The following PRKCQ variants were observed in gnomAD, a reference collection of about 807,000 sequenced individuals.
PRKCQ encodes the protein protein kinase C theta type.
In PRKCQ, 41 loss-of-function variants were observed where a neutral mutation model predicts 91.2. That is an observed-to-expected ratio of 0.45 (90% CI 0.35 to 0.58). PRKCQ has a LOEUF of 0.58. Ranked by LOEUF, PRKCQ falls within the 20% of genes least tolerant of loss-of-function variation. The probability of loss-of-function intolerance (pLI) is 0.00; values close to 1 mark genes in which losing one functional copy is unlikely to be tolerated. For synonymous variants in PRKCQ, 307 were observed against 316.9 expected (o/e 0.97, Z 0.33); for missense variants, 673 against 896.5 (o/e 0.75, Z 3.18).
chr10:6,545,512 C>T (rs568762213), intron 1 of PRKCQ, among the ~76,000 whole-genome samples: 2 of 152,266 alleles, frequency 1.3e-5, no homozygotes, highest in African/African-American at 4.8e-5. Flanking sequence ...TTAAACAGTT[C>T]CACTGAAATG....
intron 1 of PRKCQ, among the ~76,000 whole-genome samples, chr10:6,519,301 C>T (rs78685365): frequency 0.022 from 3,398 of 152,238 alleles, 118 homozygotes; most frequent in African/African-American, 0.078. Flanking sequence ...AAATTTCAGT[C>T]GGTCTCATCT....
chr10:6,491,731 A>AGTGTTCACAGAAGGTCGG lies in PRKCQ; in HGVS notation c.724_741dup (p.Pro242_His247dup). 1 of 1,614,192 alleles carries AGTGTTCACAGAAGGTCGG rather than the reference A, an allele frequency of 6.2e-7. No homozygotes were observed. Among genetic ancestry groups the AGTGTTCACAGAAGGTCGG allele is most frequent in the Non-Finnish European group, 8.5e-7 (1 of 1,180,038 alleles). On this transcript the variant is annotated inframe_insertion, in exon 8 of 18. Coordinates refer to ENST00000263125, the MANE Select transcript of PRKCQ (RefSeq NM_006257.5). Reference sequence around the variant, plus strand: ...GCCAGTCCCCACAGCAGGGTCCCACAGTGTTCACAGAAGGTCGGGCTCTTG... The same window carrying AGTGTTCACAGAAGGTCGG: ...GCCAGTCCCCACAGCAGGGTCCCACAGTGTTCACAGAAGGTCGGGTGTTCACAGAAGGTCGGGCTCTTG...
rs537852163 is a variant in PRKCQ at position 6,546,061 on chromosome 10, G to C, written c.-9-30917C>G. Among the ~76,000 whole-genome samples, 25 of 152,228 alleles carry C rather than the reference G, an allele frequency of 1.6e-4. No individual in the cohort carries two copies. The South Asian group carries it at 4.1e-3, about 25-fold the overall frequency. On this transcript the variant is annotated intron_variant, in intron 1 of 17. Coordinates refer to ENST00000263125, the MANE Select transcript of PRKCQ (RefSeq NM_006257.5). ...TAAATTTTGTGTTACGCGTATTCTAGCACAACAACAAAAGAAAGAGTTCAA... is the reference window on the plus strand; with the variant it reads ...TAAATTTTGTGTTACGCGTATTCTACCACAACAACAAAAGAAAGAGTTCAA...
At chr10:6,538,434 G>C (rs1383409947) in intron 1 of PRKCQ, among the ~76,000 whole-genome samples, 1 of 152,244 alleles carries the variant, frequency 6.6e-6, no homozygotes, top group East Asian at 1.9e-4. Flanking sequence ...TACAGAAGCT[G>C]TTCCATTGGG....
At position 6,448,609 on chromosome 10, in the gene PRKCQ, G is replaced by A. The variant is rs545272721; in HGVS notation, c.1648-6528C>T. Among the ~76,000 whole-genome samples, 21 of 152,014 alleles carry A rather than the reference G, an allele frequency of 1.4e-4. No homozygotes were observed. In the East Asian group the frequency reaches 2.7e-3, roughly 20 times the overall value. ...ATTTTAGTAGAGACGGGGTTTCACC[G>A]TGTTAGCCACTATGGTCTTGATCTC... On this transcript the variant is annotated intron_variant, in intron 15 of 17. Coordinates refer to ENST00000263125, the MANE Select transcript of PRKCQ (RefSeq NM_006257.5).
At chr10:6,412,864 T>C in the PRKCQ span, among the ~76,000 whole-genome samples, 3 of 152,384 alleles carry the variant, frequency 2.0e-5, no homozygotes, top group East Asian at 1.9e-4. Flanking sequence ...TTGTCAGTAC[T>C]CCTAGGCTGG....
intron 12 of PRKCQ, among the ~76,000 whole-genome samples, chr10:6,476,896 T>A (rs904680729): frequency 6.6e-6 from 1 of 152,008 alleles, no homozygotes; most frequent in African/African-American, 2.4e-5. Flanking sequence ...CCCAACAGCA[T>A]GGAGAGGGTG....
At chr10:6,447,133 G>A (rs1461383610) in intron 15 of PRKCQ, among the ~76,000 whole-genome samples, 1 of 152,184 alleles carries the variant, frequency 6.6e-6, no homozygotes, top group Non-Finnish European at 1.5e-5. Flanking sequence ...TTCCGGCTGG[G>A]CGCAGTGGCT....
the PRKCQ span, among the ~76,000 whole-genome samples, chr10:6,400,754 C>T: frequency 1.3e-5 from 2 of 149,756 alleles, no homozygotes; most frequent in African/African-American, 2.5e-5. Flanking sequence ...TGGCATGCAC[C>T]TACAGTCCTG....
chr10:6,467,304 A>T (rs1588704415), intron 12 of PRKCQ, among the ~76,000 whole-genome samples: 1 of 136,360 alleles, frequency 7.3e-6, no homozygotes, highest in South Asian at 2.3e-4. Context: ...GCTGAGAGAG[A>T]GAGAGAGAGA....
chr10:6,412,553 AT>A, the PRKCQ span, among the ~76,000 whole-genome samples: 7 of 152,376 alleles, frequency 4.6e-5, no homozygotes, highest in African/African-American at 1.7e-4. Flanking sequence ...AAACAGCTCA[AT>A]AGATCATAAC....
At chr10:6,402,873 G>A in the PRKCQ span, among the ~76,000 whole-genome samples, 1 of 152,220 alleles carries the variant, frequency 6.6e-6, no homozygotes, top group Non-Finnish European at 1.5e-5. Flanking sequence ...TTGTGTCACT[G>A]CACTCTAGCC....
At chr10:6,569,122 A>T (rs760929328) in intron 1 of PRKCQ, among the ~76,000 whole-genome samples, 6 of 152,086 alleles carry the variant, frequency 3.9e-5, no homozygotes, top group Non-Finnish European at 5.9e-5. Flanking sequence ...AAAATATATG[A>T]CTCATTTATT....
At chr10:6,488,004 CA>C (rs774276182) in intron 8 of PRKCQ, among the ~76,000 whole-genome samples, 2,827 of 113,180 alleles carry the variant, frequency 0.025, 54 homozygotes, top group African/African-American at 0.073. Context: ...GACTGTGTCT[CA>C]AAAAAAAAAA....
intron 11 of PRKCQ, among the ~76,000 whole-genome samples, chr10:6,481,293 C>G (rs1171320787): frequency 6.6e-6 from 1 of 152,226 alleles, no homozygotes; most frequent in Non-Finnish European, 1.5e-5. Flanking sequence ...ATAAACATTT[C>G]ATTAACAATT....
intron 1 of PRKCQ, among the ~76,000 whole-genome samples, chr10:6,521,543 G>C (rs1839002998): frequency 6.6e-6 from 1 of 152,220 alleles, no homozygotes; most frequent in Non-Finnish European, 1.5e-5. Flanking sequence ...AAGGTGCTTA[G>C]AATGGGGCTG....
At chr10:6,490,857 A>G (rs747478279) in intron 8 of PRKCQ, among the ~76,000 whole-genome samples, 7 of 151,546 alleles carry the variant, frequency 4.6e-5, no homozygotes, top group Non-Finnish European at 1.0e-4. Context: ...GTCTCTCCCC[A>G]ACCAGAAAGC....
intron 1 of PRKCQ, among the ~76,000 whole-genome samples, chr10:6,526,231 T>G (rs1383229023): frequency 6.6e-6 from 1 of 152,230 alleles, no homozygotes; most frequent in Non-Finnish European, 1.5e-5. Context: ...TAATGTTCTA[T>G]GATTACAGTA....
At chr10:6,578,206 A>G (rs549146396) in intron 1 of PRKCQ, among the ~76,000 whole-genome samples, 16 of 152,330 alleles carry the variant, frequency 1.1e-4, no homozygotes, top group African/African-American at 3.8e-4. Context: ...GAGAAGTGAG[A>G]CAGCAAAACA....
Sources: allele counts gnomAD v4.1 joint callset (sites outside exome capture counted in the v4.1 genomes callset), GRCh38; gene constraint gnomAD v4.1.1; transcripts MANE v1.5; gene names NCBI Gene and HGNC (gene_info 2026-07-23, HGNC 2026-07-21).